The following SORBS2 variants were observed in gnomAD, a reference collection of about 807,000 sequenced individuals.
SORBS2 encodes the protein sorbin and SH3 domain-containing protein 2.
In SORBS2, 46 loss-of-function variants were observed where a neutral mutation model predicts 97.7. The ratio of observed to expected loss-of-function variants is 0.47; its 90% CI spans 0.37 to 0.60. The LOEUF (loss-of-function observed/expected upper bound fraction) is 0.60. SORBS2 is among the 20% of genes least tolerant of loss of function. The pLI is 0.00. For synonymous variants in SORBS2, 476 were observed against 473.4 expected, an observed-to-expected ratio of 1.01 and a Z score of -0.07; for missense variants, 1,316 against 1,282.3, an observed-to-expected ratio of 1.03 and a Z score of -0.40.
At chr4:185,809,581 G>A (rs77810421) in intron 1 of SORBS2, among the ~76,000 whole-genome samples, 4 of 150,560 alleles carry the variant, frequency 2.7e-5, no homozygotes, top group African/African-American at 7.3e-5. Context: ...AGCCATAAGC[G>A]AAAGTGCAAA....
At chr4:185,618,888 A>G (rs62334719) in intron 8 of SORBS2, among the ~76,000 whole-genome samples, 7,926 of 152,288 alleles carry the variant, frequency 0.052, 281 homozygotes, top group Middle Eastern at 0.095. Context: ...ATAATGAGAG[A>G]ATAAAATGCC....
chr4:185,665,118 A>T (rs2097577890), intron 4 of SORBS2, among the ~76,000 whole-genome samples: 1 of 152,228 alleles, frequency 6.6e-6, no homozygotes, highest in South Asian at 2.1e-4. Flanking sequence ...GTATTCATAA[A>T]TTTCTGTCCT....
chr4:185,868,562 A>G (rs2149734314), intron 1 of SORBS2, among the ~76,000 whole-genome samples: 1 of 152,258 alleles, frequency 6.6e-6, no homozygotes, highest in African/African-American at 2.4e-5. Flanking sequence ...CGACACAGAC[A>G]AATGAATATT....
intron 2 of SORBS2, among the ~76,000 whole-genome samples, chr4:185,728,558 G>A (rs775751617): frequency 6.6e-6 from 1 of 152,166 alleles, no homozygotes; most frequent in Non-Finnish European, 1.5e-5. Flanking sequence ...ACAGGCTCTT[G>A]TTTCTAAATC....
chr4:185,642,390 C>A (rs993571856), intron 4 of SORBS2, among the ~76,000 whole-genome samples: 2 of 151,560 alleles, frequency 1.3e-5, no homozygotes, highest in Non-Finnish European at 2.9e-5. Context: ...AGGTCCTAAA[C>A]AAATGCTTTA....
intron 1 of SORBS2, among the ~76,000 whole-genome samples, chr4:185,849,956 A>G (rs2099216862): frequency 6.6e-6 from 1 of 152,228 alleles, no homozygotes; most frequent in Non-Finnish European, 1.5e-5. Flanking sequence ...GCTGCTTGCA[A>G]TGGCGTAAGG....
chr4:185,593,513 A>G lies in SORBS2; in HGVS notation c.2846+373T>C, dbSNP rs147494549. On this transcript the variant is annotated intron_variant, in intron 13 of 14. Coordinates refer to ENST00000418609, the Ensembl canonical transcript of SORBS2. ...CTTTTTTACACTGAGGTCCACTTTT[A>G]CCGTCTCCCAGTGGGTGTAAAAGTA... The G allele has an allele frequency of 2.7e-4, 51 of 189,572 alleles. 1 individual carries two copies. The highest frequency in any genetic ancestry group is 6.2e-4 in the Admixed American group (11 of 17,800). The allele number at this position is 189,572 out of a possible 1,614,324, so 11.7% of individuals were successfully genotyped here. A position where few individuals can be genotyped will look rare whatever the true frequency, so the allele number is the denominator to read the frequency against.
chr4:185,938,378 A>G lies in SORBS2; in HGVS notation c.-338+17818T>C, dbSNP rs539457243. On this transcript the variant is annotated intron_variant, in intron 1 of 20. Coordinates refer to the SORBS2 transcript ENST00000284776. ...ACCTAGGATCCTCTCACCCAGAAAA[A>G]TGTAGACACATACACACACACACAC... is the stretch of plus-strand genomic sequence containing the variant. Among the ~76,000 whole-genome samples, 172 of 138,034 alleles carry G rather than the reference A, an allele frequency of 1.2e-3. 3 individuals are homozygous for G. Among genetic ancestry groups the G allele is most frequent in the African/African-American group, 4.4e-3 (158 of 35,622 alleles). 90.6% of individuals were successfully genotyped at this position (138,034 alleles called of 152,430 possible).
chr4:185,689,642 G>A (rs73876153), intron 2 of SORBS2, among the ~76,000 whole-genome samples: 3,582 of 152,216 alleles, frequency 0.024, 157 homozygotes, highest in African/African-American at 0.082. Context: ...GGCACATGAC[G>A]CAAGGCTCTG....
At chr4:185,893,668 G>A (rs913052228) in intron 1 of SORBS2, among the ~76,000 whole-genome samples, 1 of 152,152 alleles carries the variant, frequency 6.6e-6, no homozygotes, top group African/African-American at 2.4e-5. Context: ...ACTCAAAAAA[G>A]GGTCAGCTGA....
intron 1 of SORBS2, among the ~76,000 whole-genome samples, chr4:185,814,667 C>T (rs1324814048): frequency 1.3e-5 from 2 of 152,226 alleles, no homozygotes; most frequent in Non-Finnish European, 2.9e-5. Context: ...AATTCCTGCT[C>T]CTCCAAAGAG....
At chr4:185,653,359 C>T (rs2097344313) in intron 1 of SORBS2, among the ~76,000 whole-genome samples, 1 of 152,136 alleles carries the variant, frequency 6.6e-6, no homozygotes, top group Non-Finnish European at 1.5e-5. Flanking sequence ...TTGTAGGTTC[C>T]TTGAGAGTAG....
chr4:185,650,027 C>T (rs923833882), intron 2 of SORBS2, among the ~76,000 whole-genome samples: 2 of 152,122 alleles, frequency 1.3e-5, no homozygotes, highest in Non-Finnish European at 2.9e-5. Flanking sequence ...AGATTAAAAA[C>T]GGAACTGTTT....
chr4:185,710,918 G>C (rs1376481162), intron 2 of SORBS2, among the ~76,000 whole-genome samples: 1 of 152,178 alleles, frequency 6.6e-6, no homozygotes, highest in Non-Finnish European at 1.5e-5. Context: ...CAAATAAATC[G>C]TGTGCAAAAC....
At chr4:185,722,747 T>C (rs2098525654) in intron 2 of SORBS2, among the ~76,000 whole-genome samples, 1 of 152,322 alleles carries the variant, frequency 6.6e-6, no homozygotes, top group Non-Finnish European at 1.5e-5. Context: ...TCACTGATAA[T>C]ATTGTTGATA....
At chr4:185,881,278 A>G (rs866419114) in intron 1 of SORBS2, among the ~76,000 whole-genome samples, 4 of 152,320 alleles carry the variant, frequency 2.6e-5, no homozygotes, top group South Asian at 4.1e-4. Flanking sequence ...AGGAGATTAA[A>G]GAAATGGAAG....
At chr4:185,843,011 G>A (rs2099212533) in intron 1 of SORBS2, among the ~76,000 whole-genome samples, 1 of 152,008 alleles carries the variant, frequency 6.6e-6, no homozygotes, top group African/African-American at 2.4e-5. Flanking sequence ...AAGACTGCTG[G>A]AGAAGGTCTG....
chr4:185,667,668 A>T (rs2097638276), intron 4 of SORBS2, among the ~76,000 whole-genome samples: 1 of 113,050 alleles, frequency 8.8e-6, no homozygotes, highest in African/African-American at 3.3e-5. Context: ...TCTTGTTTAA[A>T]CATAGTCATT....
chr4:185,911,551 TC>T (rs1287652550), intron 1 of SORBS2, among the ~76,000 whole-genome samples: 3 of 152,072 alleles, frequency 2.0e-5, no homozygotes, highest in East Asian at 1.9e-4. Flanking sequence ...TGCGCAAGTT[TC>T]CCTCTTGGTG....
Sources: gnomAD v4.1 joint callset for allele counts (sites outside exome capture counted in the v4.1 genomes callset) on GRCh38, gnomAD v4.1.1 for gene constraint, MANE v1.5 for transcripts, NCBI Gene and HGNC (gene_info 2026-07-23, HGNC 2026-07-21) for gene names.